The following NF1 variants were observed in gnomAD, a reference collection of about 807,000 sequenced individuals.
NF1 encodes the protein neurofibromin.
NF1 carries 122 observed loss-of-function variants against 325.7 expected under a neutral mutation model. The observed-to-expected ratio is 0.37, with a 90% CI of 0.32 to 0.44. The LOEUF (loss-of-function observed/expected upper bound fraction) is 0.44, where lower values mean the gene tolerates loss of function less well. NF1 is among the 20% of genes least tolerant of loss of function. The probability of loss-of-function intolerance (pLI) is 1.00; values close to 1 mark genes in which losing one functional copy is unlikely to be tolerated. For synonymous variants in NF1, 1,091 were observed against 1,186.0 expected (o/e 0.92, Z 1.65); for missense variants, 2,140 against 3,415.4 (o/e 0.63, Z 9.31).
chr17:31,214,704 T>A, intron 13 of NF1, 119 bp downstream of exon 13: 1 of 868,820 alleles, frequency 1.2e-6, no homozygotes, highest in Non-Finnish European at 1.8e-6. Flanking sequence ...TCCTTTCTGA[T>A]CATACCTGAA....
At chr17:31,264,135 A>G (rs1056858068) in intron 35 of NF1, among the ~76,000 whole-genome samples, 4 of 152,200 alleles carry the variant, frequency 2.6e-5, no homozygotes, top group African/African-American at 9.6e-5. Flanking sequence ...GCGGTGACTC[A>G]CGCCTGTAAT....
At chr17:31,231,048 T>C in intron 24 of NF1, 123 bp downstream of exon 24, 1 of 752,698 alleles carries the variant, frequency 1.3e-6, no homozygotes, top group East Asian at 2.7e-5. Flanking sequence ...ACTTTTGTGT[T>C]TGAAATATGT....
intron 36 of NF1, among the ~76,000 whole-genome samples, chr17:31,298,757 C>CA (rs1291837080): frequency 6.6e-6 from 1 of 152,060 alleles, no homozygotes; most frequent in Non-Finnish European, 1.5e-5. Context: ...ATACTACATT[C>CA]AGCAATATTG....
intron 54 of NF1, 96 bp from the exon 55 acceptor site, chr17:31,358,384 A>AATTCCC: frequency 7.7e-7 from 1 of 1,296,920 alleles, no homozygotes; most frequent in East Asian, 2.5e-5. Context: ...TAATTTTGGC[A>AATTCCC]CATTATTCTG....
chr17:31,152,557 A>G (rs1398989163), intron 1 of NF1, among the ~76,000 whole-genome samples: 3 of 140,318 alleles, frequency 2.1e-5, no homozygotes. Context: ...TTTTTTTTCA[A>G]CATTTGTTTA....
chr17:31,266,210 TTAG>T (rs897309925), intron 36 of NF1, among the ~76,000 whole-genome samples: 97 of 152,232 alleles, frequency 6.4e-4, no homozygotes, highest in African/African-American at 2.1e-3. Flanking sequence ...GACCATTAAG[TTAG>T]TAGACTTACA....
chr17:31,137,643 T>C (rs1404940057), intron 1 of NF1: 1 of 152,158 alleles, frequency 6.6e-6, no homozygotes, highest in East Asian at 1.9e-4. Context: ...GAAATTCCTA[T>C]TGCTTGTCTC....
At chr17:31,207,053 A>C (rs1484438040) in intron 12 of NF1, among the ~76,000 whole-genome samples, 1 of 152,176 alleles carries the variant, frequency 6.6e-6, no homozygotes, top group Non-Finnish European at 1.5e-5. Flanking sequence ...TATGTATAGC[A>C]AGAGTATTAT....
intron 29 of NF1, among the ~76,000 whole-genome samples, chr17:31,248,512 T>C (rs79208251): frequency 6.6e-6 from 1 of 152,098 alleles, no homozygotes; most frequent in African/African-American, 2.4e-5. Context: ...TAAATTTTTT[T>C]CAGTTATCTC....
intron 5 of NF1, among the ~76,000 whole-genome samples, chr17:31,171,576 A>G (rs2065928852): frequency 6.6e-6 from 1 of 152,216 alleles, no homozygotes; most frequent in South Asian, 2.1e-4. Flanking sequence ...AACTAATTGA[A>G]TGTGTGGATA....
chr17:31,243,914 G>T (rs938079940), intron 29 of NF1, among the ~76,000 whole-genome samples: 4 of 151,788 alleles, frequency 2.6e-5, no homozygotes, highest in Non-Finnish European at 5.9e-5. Context: ...AGTTGGTAAT[G>T]TGCTGGGTCA....
At chr17:31,162,278 A>T (rs559763507) in intron 3 of NF1, among the ~76,000 whole-genome samples, 3 of 152,082 alleles carry the variant, frequency 2.0e-5, no homozygotes, top group African/African-American at 7.2e-5. Context: ...GGAGTTCGAG[A>T]CCAGCCTAGC....
At chr17:31,193,165 A>G (rs1469141289) in intron 8 of NF1, among the ~76,000 whole-genome samples, 1 of 152,154 alleles carries the variant, frequency 6.6e-6, no homozygotes, top group African/African-American at 2.4e-5. Flanking sequence ...TCACCTGGAA[A>G]TTTGTGAGAA....
At chr17:31,142,120 G>C (rs755756956) in intron 1 of NF1, among the ~76,000 whole-genome samples, 1 of 152,180 alleles carries the variant, frequency 6.6e-6, no homozygotes, top group Non-Finnish European at 1.5e-5. Context: ...ATTGTTCACA[G>C]AGTGCTTTGC....
At chr17:31,152,174 T>TG (rs35044101) in intron 1 of NF1, among the ~76,000 whole-genome samples, 81,155 of 151,476 alleles carry the variant, frequency 0.54, 25,615 homozygotes, top group Middle Eastern at 0.75. Flanking sequence ...GTCTAATTTT[T>TG]GGGTTTTTTT....
At chr17:31,352,216 A>C in intron 50 of NF1, 41 bp from the exon 51 acceptor site, 1 of 1,584,018 alleles carries the variant, frequency 6.3e-7, no homozygotes, top group Non-Finnish European at 8.7e-7. Context: ...TGTATTTGTC[A>C]CCATATTAAT....
rs1388618079 is a variant in NF1, at chr17:31,257,165, A to G, written c.4174-1179A>G. The stretch of plus-strand genomic sequence containing the variant: ...GGAAATATTTATTGAAGCATTGTGA[A>G]AAAAATAGCTACGTGATATTCCGCA... On this transcript the variant is annotated intron_variant, in intron 31 of 57. Transcript: ENST00000358273. Among the ~76,000 whole-genome samples the G allele has an allele frequency of 5.3e-5, 8 of 152,100 alleles. No individual in the cohort carries two copies. In the East Asian group the frequency reaches 1.5e-3, roughly 29 times the overall value.
intron 36 of NF1, among the ~76,000 whole-genome samples, chr17:31,268,733 C>CT (rs1262102495): frequency 2.6e-5 from 4 of 151,714 alleles, no homozygotes; most frequent in Admixed American, 6.6e-5. Context: ...GGGTCTCACT[C>CT]TGTTGTCTAG....
intron 29 of NF1, among the ~76,000 whole-genome samples, chr17:31,243,184 C>CTGTGTGTGTGTGTG (rs377472053): frequency 0.018 from 2,473 of 137,528 alleles, 92 homozygotes; most frequent in African/African-American, 0.067. Context: ...CTCTCTCTGT[C>CTGTGTGTGTGTGTG]TGTGTGTGTG....
Sources: gnomAD v4.1 joint callset for allele counts (sites outside exome capture counted in the v4.1 genomes callset) on GRCh38, gnomAD v4.1.1 for gene constraint, MANE v1.5 for transcripts, NCBI Gene and HGNC (gene_info 2026-07-23, HGNC 2026-07-21) for gene names.